DDX10: variants seen among roughly 807,000 people sequenced by gnomAD.
The protein encoded by DDX10 is probable ATP-dependent RNA helicase DDX10.
In DDX10, 74 loss-of-function variants were observed where a neutral mutation model predicts 104.3. The ratio of observed to expected loss-of-function variants is 0.71; its 90% CI spans 0.59 to 0.86. DDX10 has a LOEUF of 0.86. DDX10 is among the 40% of genes least tolerant of loss of function. The pLI, the probability that DDX10 is intolerant of heterozygous loss-of-function variation, is 0.00. For synonymous variants in DDX10, 351 were observed against 353.4 expected (o/e 0.99, Z 0.08); for missense variants, 952 against 1,040.0 (o/e 0.92, Z 1.16).
At chr11:108,805,526 A>G (rs560527167) in intron 13 of DDX10, among the ~76,000 whole-genome samples, 4 of 152,364 alleles carry the variant, frequency 2.6e-5, no homozygotes, top group South Asian at 2.1e-4. Context: ...AGATTTCTCA[A>G]TAAGTTTAAC....
chr11:108,797,886 C>T (rs901471200), intron 13 of DDX10, among the ~76,000 whole-genome samples: 1 of 152,170 alleles, frequency 6.6e-6, no homozygotes, highest in Admixed American at 6.5e-5. Context: ...GTTTGTTGCC[C>T]CTTTATTTGC....
chr11:108,899,804 C>A (rs1387323566), intron 16 of DDX10, among the ~76,000 whole-genome samples: 4 of 152,130 alleles, frequency 2.6e-5, no homozygotes, highest in African/African-American at 9.6e-5. Context: ...TCTCATGAGA[C>A]CTGGCTGTTT....
intron 13 of DDX10, among the ~76,000 whole-genome samples, chr11:108,825,787 T>C (rs1430721795): frequency 6.6e-6 from 1 of 152,214 alleles, no homozygotes; most frequent in Non-Finnish European, 1.5e-5. Flanking sequence ...CATGGCCTTA[T>C]TAATCATACA....
At chr11:108,869,044 G>A (rs1037751184) in intron 16 of DDX10, among the ~76,000 whole-genome samples, 13 of 149,092 alleles carry the variant, frequency 8.7e-5, no homozygotes, top group Admixed American at 4.7e-4. Context: ...TTGAAAGTCT[G>A]GGCAGGAAAT....
At chr11:108,826,133 T>C (rs1862392442) in intron 13 of DDX10, among the ~76,000 whole-genome samples, 1 of 152,228 alleles carries the variant, frequency 6.6e-6, no homozygotes, top group South Asian at 2.1e-4. Context: ...AAAACAATTA[T>C]TTTTAAAATG....
chr11:108,902,896 T>C (rs1224278984), intron 16 of DDX10, among the ~76,000 whole-genome samples: 1 of 152,150 alleles, frequency 6.6e-6, no homozygotes, highest in East Asian at 1.9e-4. Flanking sequence ...ACATTAAAAA[T>C]CAAAATAACC....
intron 13 of DDX10, among the ~76,000 whole-genome samples, chr11:108,782,194 T>G (rs2094379094): frequency 6.6e-6 from 1 of 152,244 alleles, no homozygotes. Flanking sequence ...AAACCATCTC[T>G]TTTCTTAGGT....
chr11:108,738,389 C>T (rs1438157584), intron 13 of DDX10, among the ~76,000 whole-genome samples: 1 of 151,600 alleles, frequency 6.6e-6, no homozygotes, highest in East Asian at 1.9e-4. Flanking sequence ...AGCTATTGAG[C>T]CATTTTATTT....
At chr11:108,848,872 A>G (rs1484133288) in intron 15 of DDX10, among the ~76,000 whole-genome samples, 1 of 152,156 alleles carries the variant, frequency 6.6e-6, no homozygotes, top group African/African-American at 2.4e-5. Flanking sequence ...ATTAAGTTAT[A>G]AACTGCAAAG....
chr11:108,831,226 A>C (rs1862465472), intron 13 of DDX10, among the ~76,000 whole-genome samples: 1 of 152,100 alleles, frequency 6.6e-6, no homozygotes, highest in Non-Finnish European at 1.5e-5. Flanking sequence ...CAACATGGTG[A>C]AACCCCATCT....
intron 13 of DDX10, among the ~76,000 whole-genome samples, chr11:108,750,090 G>A (rs1227178711): frequency 1.3e-5 from 2 of 151,972 alleles, no homozygotes; most frequent in Non-Finnish European, 2.9e-5. Context: ...GGTGCTGCAA[G>A]GAAAAAAATG....
chr11:108,691,697 A>C (rs2094252709), intron 7 of DDX10, among the ~76,000 whole-genome samples, 179 bp from the exon 8 acceptor site: 1 of 152,252 alleles, frequency 6.6e-6, no homozygotes. Flanking sequence ...TGTGAATTAA[A>C]GGAGGGAAGG....
chr11:108,892,292 C>T (rs941342144), intron 16 of DDX10, among the ~76,000 whole-genome samples: 2 of 152,112 alleles, frequency 1.3e-5, no homozygotes, highest in Non-Finnish European at 2.9e-5. Context: ...CTTTCTCTGG[C>T]CTCCTCTCTT....
intron 13 of DDX10, among the ~76,000 whole-genome samples, chr11:108,748,654 G>C (rs1420846480): frequency 6.6e-6 from 1 of 151,966 alleles, no homozygotes; most frequent in East Asian, 1.9e-4. Flanking sequence ...CTAATTACCT[G>C]TTTTTGATCA....
intron 16 of DDX10, among the ~76,000 whole-genome samples, chr11:108,882,244 G>A (rs1184689531): frequency 6.6e-6 from 1 of 152,154 alleles, no homozygotes; most frequent in Admixed American, 6.5e-5. Flanking sequence ...TACATGAAAT[G>A]GTGTTTGTTC....
At chr11:108,913,207 T>G (rs999860884) in intron 16 of DDX10, among the ~76,000 whole-genome samples, 2 of 151,954 alleles carry the variant, frequency 1.3e-5, no homozygotes, top group Non-Finnish European at 2.9e-5. Flanking sequence ...TTTATACATT[T>G]TAGGGGGACG....
In DDX10 at chr11:108,826,412, G is replaced by A. The variant is rs538669912; in HGVS notation, c.1966-12034G>A. Among the ~76,000 whole-genome samples, 92 of 152,184 alleles carry A rather than the reference G, an allele frequency of 6.0e-4. 2 individuals carry two copies. In the South Asian group the frequency reaches 0.018, roughly 30 times the overall value. Reference sequence around the variant, plus strand: ...ATTATACTAACATTCACAAAAGGCCGGATATCACAGGCATAAGGGCACACC... The same window carrying A: ...ATTATACTAACATTCACAAAAGGCCAGATATCACAGGCATAAGGGCACACC... On this transcript the variant is annotated intron_variant, in intron 13 of 17. Coordinates refer to ENST00000322536, the MANE Select transcript of DDX10 (RefSeq NM_004398.4).
At chr11:108,666,852 T>G (rs2094210830) in intron 1 of DDX10, among the ~76,000 whole-genome samples, 1 of 152,248 alleles carries the variant, frequency 6.6e-6, no homozygotes, top group Non-Finnish European at 1.5e-5. Flanking sequence ...AAGGTAACAT[T>G]CATCCCTTCC....
intron 13 of DDX10, among the ~76,000 whole-genome samples, chr11:108,761,863 A>G (rs529458333): frequency 6.6e-6 from 1 of 152,248 alleles, no homozygotes; most frequent in South Asian, 2.1e-4. Context: ...CGTTACTGCC[A>G]TGGGAGATGT....
Sources: gnomAD v4.1 joint callset for allele counts (sites outside exome capture counted in the v4.1 genomes callset) on GRCh38, gnomAD v4.1.1 for gene constraint, MANE v1.5 for transcripts, NCBI Gene and HGNC (gene_info 2026-07-23, HGNC 2026-07-21) for gene names.